Variants in LAMA2 observed in about 807,000 individuals in gnomAD.
LAMA2 encodes the protein laminin subunit alpha-2.
Under a neutral mutation model 364.8 loss-of-function variants are expected in LAMA2, and 269 were observed. The observed-to-expected ratio is 0.74, with a 90% confidence interval of 0.67 to 0.82. The LOEUF (loss-of-function observed/expected upper bound fraction) is 0.82. Among genes scored for constraint, LAMA2 ranks in the 40% least tolerant of loss-of-function variants. LAMA2 has a pLI of 0.00. For synonymous variants in LAMA2, 1,379 were observed against 1,370.6 expected, an observed-to-expected ratio of 1.01 and a Z score of -0.14; for missense variants, 3,807 against 3,873.2, an observed-to-expected ratio of 0.98 and a Z score of 0.45.
At chr6:129,387,279 T>C (rs765919423) in intron 35 of LAMA2, among the ~76,000 whole-genome samples, 13 of 152,164 alleles carry the variant, frequency 8.5e-5, no homozygotes, top group Non-Finnish European at 1.9e-4. Context: ...AGAAGACATT[T>C]ATGCAGCCAA....
Position 129,380,971 on chromosome 6 carries a change from A to G in LAMA2, c.4960-2151A>G, listed in dbSNP as rs188781060. Among the ~76,000 whole-genome samples the G allele has an allele frequency of 5.3e-3, 802 of 152,344 alleles. 13 individuals are homozygous for G. Among genetic ancestry groups the G allele is most frequent in the African/African-American group, 0.019 (773 of 41,586 alleles). ...ACAATGAATATGATCTTGATCATCC[A>G]GAATTTAAAAGAGACAGTGTATGAT... is the stretch of plus-strand genomic sequence containing the variant. On this transcript the variant is annotated intron_variant, in intron 34 of 64. Transcript: ENST00000421865.
At chr6:129,060,687 TG>T (rs1185721133) in intron 3 of LAMA2, among the ~76,000 whole-genome samples, 21 of 152,228 alleles carry the variant, frequency 1.4e-4, no homozygotes. Context: ...GTTATCACTG[TG>T]TGGGGAAGCC....
chr6:129,316,929 A>G (rs747298799), intron 27 of LAMA2, among the ~76,000 whole-genome samples: 1 of 152,378 alleles, frequency 6.6e-6, no homozygotes, highest in Non-Finnish European at 1.5e-5. Flanking sequence ...TTCCATGAAT[A>G]TAATTGTAAA....
At chr6:129,256,763 CATATATATATATATATATATATATATAT>C (rs199726173) in intron 14 of LAMA2, among the ~76,000 whole-genome samples, 1 of 87,956 alleles carries the variant, frequency 1.1e-5, no homozygotes, top group Non-Finnish European at 2.3e-5. Context: ...AATTATATAG[CATATATATATATATATATATATATATAT>C]ATATATATAG....
chr6:129,061,778 G>C (rs553835225), intron 3 of LAMA2, among the ~76,000 whole-genome samples: 2 of 152,226 alleles, frequency 1.3e-5, no homozygotes, highest in East Asian at 3.9e-4. Flanking sequence ...ATATAACCCA[G>C]GTCTACCTGA....
intron 1 of LAMA2, among the ~76,000 whole-genome samples, chr6:128,911,710 T>A (rs567338848): frequency 6.6e-6 from 1 of 152,332 alleles, no homozygotes; most frequent in East Asian, 1.9e-4. Context: ...ACATAAGAAA[T>A]GTATGTGACA....
chr6:129,440,444 C>T (rs1262965624), intron 42 of LAMA2, among the ~76,000 whole-genome samples: 1 of 152,032 alleles, frequency 6.6e-6, no homozygotes, highest in Non-Finnish European at 1.5e-5. Flanking sequence ...AACCCCCACC[C>T]CAACCCCTGC....
intron 12 of LAMA2, among the ~76,000 whole-genome samples, chr6:129,239,005 G>C (rs2115150954): frequency 6.6e-6 from 1 of 152,202 alleles, no homozygotes; most frequent in African/African-American, 2.4e-5. Context: ...ATAGTAGTCA[G>C]AGAATCTTGC....
chr6:129,290,548 G>T (rs533592184), intron 19 of LAMA2, among the ~76,000 whole-genome samples: 2 of 152,242 alleles, frequency 1.3e-5, no homozygotes, highest in South Asian at 4.2e-4. Context: ...TAGGCTGATA[G>T]AGTACCTGTT....
intron 40 of LAMA2, among the ~76,000 whole-genome samples, chr6:129,420,157 GATATTT>G (rs1781005627): frequency 6.6e-6 from 1 of 151,910 alleles, no homozygotes; most frequent in Non-Finnish European, 1.5e-5. Context: ...ACAAATGGGT[GATATTT>G]ATATAACTGT....
At chr6:129,511,992 A>C (rs957964840) in intron 62 of LAMA2, among the ~76,000 whole-genome samples, 3 of 152,194 alleles carry the variant, frequency 2.0e-5, no homozygotes, top group Non-Finnish European at 2.9e-5. Flanking sequence ...AATACCTGAC[A>C]GTGAGATTCT....
chr6:129,442,330 A>G (rs923154898), intron 43 of LAMA2: 1 of 662,534 alleles, frequency 1.5e-6, no homozygotes, highest in Non-Finnish European at 2.0e-6. Context: ...GCCAGGGTGA[A>G]AAAGGGGAGA....
chr6:129,020,041 G>C (rs886907207), intron 1 of LAMA2, among the ~76,000 whole-genome samples: 1 of 147,652 alleles, frequency 6.8e-6, no homozygotes, highest in Non-Finnish European at 1.5e-5. Context: ...AGCTGAGATC[G>C]CACCACTGCA....
At chr6:129,157,521 C>G (rs1307301953) in intron 8 of LAMA2, 125 of 1,611,848 alleles carry the variant, frequency 7.8e-5, no homozygotes, top group Non-Finnish European at 1.0e-4. Context: ...ATGGTTTAAC[C>G]GTCAGATTTT....
intron 12 of LAMA2, among the ~76,000 whole-genome samples, chr6:129,210,127 TG>T (rs1468949526): frequency 3.3e-5 from 5 of 151,994 alleles, no homozygotes; most frequent in African/African-American, 9.7e-5. Context: ...CATAAGAATT[TG>T]GGGGGCACTC....
At chr6:129,026,370 G>A (rs1011294678) in intron 1 of LAMA2, among the ~76,000 whole-genome samples, 1 of 152,040 alleles carries the variant, frequency 6.6e-6, no homozygotes, top group Non-Finnish European at 1.5e-5. Context: ...CAGCACAGTG[G>A]TAAGAATATT....
intron 48 of LAMA2, among the ~76,000 whole-genome samples, chr6:129,457,393 A>G (rs957016170): frequency 1.4e-4 from 21 of 152,074 alleles, no homozygotes; most frequent in Non-Finnish European, 7.4e-5. Context: ...ACAGATAGAT[A>G]AATATAGGGA....
Position 129,313,093 on chromosome 6 carries a change from G to C in LAMA2, c.3407G>C (p.Cys1136Ser). Residue 1136 changes from cysteine to serine, a missense_variant, in exon 23 of 65, where the codon TGT (cysteine) becomes TCT (serine). Cys to Ser is a moderately radical substitution (Grantham distance 112). Transcript: ENST00000421865. ...SCSDQTGQCT[C>S]KVNVEGIHCD... ...AGTGATCAAACTGGGCAGTGCACTT[G>C]TAAGGTATGTGCTGCTGACATGCAG... The C allele has an allele frequency of 6.3e-7, 1 of 1,588,548 alleles. No homozygotes were observed. Among genetic ancestry groups the C allele is most frequent in the Non-Finnish European group, 8.6e-7 (1 of 1,158,540 alleles).
chr6:129,300,184 TATATAA>T (rs1282356144), intron 21 of LAMA2, among the ~76,000 whole-genome samples: 1 of 152,184 alleles, frequency 6.6e-6, no homozygotes, highest in African/African-American at 2.4e-5. Context: ...AGTATCTTTA[TATATAA>T]ACAGTGTCCA....
Sources: allele counts gnomAD v4.1 joint callset (sites outside exome capture counted in the v4.1 genomes callset), GRCh38; gene constraint gnomAD v4.1.1; transcripts MANE v1.5; gene names NCBI Gene and HGNC (gene_info 2026-07-23, HGNC 2026-07-21).